Variants in WNK2 observed in about 807,000 individuals in gnomAD.
WNK2 encodes serine/threonine-protein kinase WNK2.
In WNK2, 67 loss-of-function variants were observed where a neutral mutation model predicts 192.1. That is an observed-to-expected ratio of 0.35 (90% CI 0.29 to 0.43). The LOEUF (loss-of-function observed/expected upper bound fraction) is 0.43, where lower values mean the gene tolerates loss of function less well. WNK2 is among the 20% of genes least tolerant of loss of function. The pLI is 1.00. For missense variants in WNK2, 2,698 were observed against 3,089.7 expected, an observed-to-expected ratio of 0.87 and a Z score of 3.01; for synonymous variants, 1,439 against 1,393.9, an observed-to-expected ratio of 1.03 and a Z score of -0.72.
intron 2 of WNK2, among the ~76,000 whole-genome samples, chr9:93,220,521 T>G (rs868091385): frequency 4.8e-4 from 73 of 152,268 alleles, no homozygotes; most frequent in African/African-American, 1.7e-3. Context: ...TTGATGACCC[T>G]GCAGCCCAGC....
At chr9:93,245,609 G>C (rs533530119) in intron 7 of WNK2, among the ~76,000 whole-genome samples, 1 of 152,226 alleles carries the variant, frequency 6.6e-6, no homozygotes, top group African/African-American at 2.4e-5. Flanking sequence ...CTCACCTTTT[G>C]CAACTGTACG....
At chr9:93,300,485 T>G (rs1396127047) in intron 26 of WNK2, among the ~76,000 whole-genome samples, 1 of 152,192 alleles carries the variant, frequency 6.6e-6, no homozygotes, top group Non-Finnish European at 1.5e-5. Context: ...CTCATTTATT[T>G]AATTTTTTTT....
Position 93,238,310 on chromosome 9 carries a change from C to T in WNK2, c.1311C>T (p.Asn437=). 1.2e-6 allele frequency: 2 copies of T among 1,613,982 alleles called. No homozygotes were observed. The highest frequency in any genetic ancestry group is 1.7e-6 in the Non-Finnish European group (2 of 1,179,850). The change falls in exon 6 of 30, where the codon AAC becomes AAT. Residue 437 remains asparagine, a synonymous_variant. Transcript: ENST00000427277. ...TTATTGGGGAGTGTATCTGCAAAAA[C>T]AAGGAGGAAAGGTGAGTTCCCCTGA... ...KEIIGECICK[N]KEERYEIKDL... is the part of the protein sequence containing the mutation.
At chr9:93,207,984 C>T (rs1165176819) in intron 2 of WNK2, among the ~76,000 whole-genome samples, 3 of 152,238 alleles carry the variant, frequency 2.0e-5, no homozygotes, top group African/African-American at 7.2e-5. Flanking sequence ...CTCCCTTCCT[C>T]CTTGTCCAGG....
At chr9:93,221,198 G>A (rs890154879) in intron 2 of WNK2, among the ~76,000 whole-genome samples, 9 of 152,208 alleles carry the variant, frequency 5.9e-5, no homozygotes, top group African/African-American at 2.2e-4. Context: ...AGGTGGGTGG[G>A]GACCCCCGAC....
intron 24 of WNK2, 139 bp from the exon 25 acceptor site, chr9:93,298,931 G>A: frequency 1.2e-6 from 1 of 832,190 alleles, no homozygotes; most frequent in Non-Finnish European, 1.8e-6. Context: ...TGGGAGATGT[G>A]GCCATGTGCC....
intron 2 of WNK2, among the ~76,000 whole-genome samples, chr9:93,200,051 G>A (rs115147425): frequency 0.018 from 2,729 of 152,290 alleles, 75 homozygotes; most frequent in African/African-American, 0.061. Flanking sequence ...CAGGCGTTGC[G>A]TGGGGATGCT....
chr9:93,244,553 G>A (rs1466396388), intron 7 of WNK2, among the ~76,000 whole-genome samples: 1 of 152,222 alleles, frequency 6.6e-6, no homozygotes, highest in African/African-American at 2.4e-5. Flanking sequence ...GGGCTGTGGC[G>A]CCAGCAGCAA....
intron 2 of WNK2, among the ~76,000 whole-genome samples, chr9:93,225,819 A>T (rs1837709194): frequency 1.3e-5 from 2 of 152,162 alleles, no homozygotes; most frequent in African/African-American, 4.8e-5. Context: ...TTCCTGGGCG[A>T]ACTGGCCTAG....
At chr9:93,219,384 T>G (rs996659946) in intron 2 of WNK2, among the ~76,000 whole-genome samples, 5 of 152,270 alleles carry the variant, frequency 3.3e-5, no homozygotes, top group African/African-American at 1.2e-4. Context: ...CAAGGACAAA[T>G]GCTCATCAGT....
At chr9:93,264,267 G>A (rs1214558206) in intron 16 of WNK2, among the ~76,000 whole-genome samples, 1 of 152,208 alleles carries the variant, frequency 6.6e-6, no homozygotes, top group Non-Finnish European at 1.5e-5. Context: ...CTAAGATGCT[G>A]CTCCCTGAGG....
At chr9:93,238,627 C>G (rs1840216924) in intron 6 of WNK2, among the ~76,000 whole-genome samples, 1 of 152,196 alleles carries the variant, frequency 6.6e-6, no homozygotes, top group Non-Finnish European at 1.5e-5. Flanking sequence ...CCTCCAGGAC[C>G]CAGCCTGTAG....
intron 7 of WNK2, among the ~76,000 whole-genome samples, chr9:93,241,741 C>T (rs372329285): frequency 3.3e-4 from 51 of 152,294 alleles, no homozygotes; most frequent in East Asian, 2.7e-3. Context: ...CTCTGCTCCT[C>T]CTGGCAGCTC....
At chr9:93,317,209 G>T in intron 28 of WNK2, 1 of 492,626 alleles carries the variant, frequency 2.0e-6, no homozygotes, top group Non-Finnish European at 3.7e-6. Context: ...GAGGCATGTG[G>T]GGTCACTCAT....
At chr9:93,305,614 G>A (rs1015229354) in intron 26 of WNK2, among the ~76,000 whole-genome samples, 1 of 152,224 alleles carries the variant, frequency 6.6e-6, no homozygotes, top group Non-Finnish European at 1.5e-5. Flanking sequence ...AGGTTTCCAA[G>A]TCCAGGATGC....
chr9:93,212,847 A>G (rs1835047139), intron 2 of WNK2, among the ~76,000 whole-genome samples: 1 of 152,158 alleles, frequency 6.6e-6, no homozygotes, highest in Non-Finnish European at 1.5e-5. Flanking sequence ...TGTGAGTGAG[A>G]AAAAGACTCT....
intron 26 of WNK2, among the ~76,000 whole-genome samples, chr9:93,303,805 A>G (rs374858557): frequency 2.6e-5 from 4 of 152,096 alleles, no homozygotes; most frequent in South Asian, 4.1e-4. Flanking sequence ...CTGCTTCCCA[A>G]TGCATGCTTT....
chr9:93,278,085 G>A (rs970170544), intron 19 of WNK2, among the ~76,000 whole-genome samples: 3 of 151,998 alleles, frequency 2.0e-5, no homozygotes, highest in Non-Finnish European at 2.9e-5. Context: ...GTCAGTGAAG[G>A]ACCCTGCAAG....
chr9:93,299,258 C>G lies in WNK2; in HGVS notation c.6112C>G (p.Gln2038Glu). The change falls in exon 25 of 30, where the codon CAA becomes GAA. Residue 2038 changes from glutamine (Q) to glutamate (E), a missense_variant. Physicochemically the swap from Gln to Glu is conservative, Grantham distance 29. This residue lies in a region of WNK2 where 1,098 missense variants were observed against 1,101.0 expected (regional missense o/e 1.00). Transcript: ENST00000427277. Reference sequence around the variant, plus strand: ...CAGTGATGGAGGCGGAGCGCGTGGCCAAGGTGATTTCCAGCTTGCCTGTCT... The same window carrying G: ...CAGTGATGGAGGCGGAGCGCGTGGCGAAGGTGATTTCCAGCTTGCCTGTCT... ...LASDGGGARG[Q>E]GWTVYHPTSE... The G allele has an allele frequency of 6.4e-7, 1 of 1,561,412 alleles. No homozygotes were observed. The highest frequency in any genetic ancestry group is 1.2e-5 in the South Asian group (1 of 84,818).
Sources: allele counts gnomAD v4.1 joint callset (sites outside exome capture counted in the v4.1 genomes callset), GRCh38; gene constraint gnomAD v4.1.1; regional missense constraint gnomAD v4.1.1; transcripts MANE v1.5; gene names NCBI Gene and HGNC (gene_info 2026-07-23, HGNC 2026-07-21).